NTRK2: variants seen among roughly 807,000 people sequenced by gnomAD.
NTRK2 encodes the protein BDNF/NT-3 growth factors receptor.
Under a neutral mutation model 94.5 loss-of-function variants are expected in NTRK2, and 13 were observed. That is an observed-to-expected ratio of 0.14 (90% confidence interval 0.09 to 0.22). The LOEUF (loss-of-function observed/expected upper bound fraction) is 0.22, where lower values mean the gene tolerates loss of function less well. Ranked by LOEUF, NTRK2 falls within the 10% of genes least tolerant of loss-of-function variation. The pLI is 1.00. For synonymous variants in NTRK2, 372 were observed against 407.4 expected (o/e 0.91, Z 1.05); for missense variants, 639 against 1,071.2 (o/e 0.60, Z 5.63).
At chr9:84,781,523 A>C (rs1456396347) in intron 12 of NTRK2, among the ~76,000 whole-genome samples, 1 of 152,144 alleles carries the variant, frequency 6.6e-6, no homozygotes, top group Non-Finnish European at 1.5e-5. Context: ...TGAAAATGTG[A>C]ATTTTGAGAT....
intron 9 of NTRK2, among the ~76,000 whole-genome samples, chr9:84,731,447 G>A (rs1035825917): frequency 2.1e-4 from 32 of 151,966 alleles, no homozygotes; most frequent in Admixed American, 3.3e-4. Context: ...AAAATAAAAC[G>A]TAAAAAATAA....
chr9:84,778,890 C>G (rs2067298437), intron 12 of NTRK2, among the ~76,000 whole-genome samples: 1 of 152,174 alleles, frequency 6.6e-6, no homozygotes, highest in African/African-American at 2.4e-5. Context: ...TCTCCCTCCT[C>G]AATGTTGAGG....
rs779160638 is a variant in NTRK2 at position 84,727,761 on chromosome 9, G to A, written c.961G>A (p.Gly321Arg). ...PKPALQWFYN[G>R]AILNESKYIC... ...ACCAGCGCTTCAGTGGTTCTATAAC[G>A]GGGCAATATTGAATGAGTCCAAATA... The change falls in exon 9 of 19, where the codon GGG becomes AGG. Residue 321 changes from glycine (G) to arginine (R), a missense_variant. Transcript: ENST00000277120. The A allele has an allele frequency of 2.5e-6, 4 of 1,614,014 alleles. No individual in the cohort carries two copies. Among genetic ancestry groups the A allele is most frequent in the African/African-American group, 1.3e-5 (1 of 74,888 alleles).
Position 84,707,848 on chromosome 9 carries a change from T to A in NTRK2, c.364T>A (p.Phe122Ile), listed in dbSNP as rs758634866. ...AATGTTTTTGATTCCTTTCAGCAATTTTACCCGAAACAAACTGACGAGTTT... is the reference window on the plus strand; with the variant it reads ...AATGTTTTTGATTCCTTTCAGCAATATTACCCGAAACAAACTGACGAGTTT... ...LKNSNLQHIN[F>I]TRNKLTSLSR... Residue 122 changes from phenylalanine (F) to isoleucine (I), a missense_variant, in exon 5 of 19, where the codon TTT becomes ATT. By Grantham distance (21) the Phe-to-Ile change is conservative. Transcript: ENST00000277120. 8.1e-6 allele frequency: 13 copies of A among 1,612,324 alleles called. No homozygotes were observed. The highest frequency in any genetic ancestry group is 1.7e-5 in the Admixed American group (1 of 59,994).
In NTRK2 at chr9:84,747,336, T is replaced by G. The variant is rs369297687; in HGVS notation, c.1296+2263T>G. Among the ~76,000 whole-genome samples the G allele has an allele frequency of 7.0e-4, 106 of 152,266 alleles. 1 individual carries two copies. In the South Asian group the frequency reaches 0.021, roughly 30 times the overall value. On this transcript the variant is annotated intron_variant, in intron 11 of 18. Coordinates refer to ENST00000277120, the MANE Select transcript of NTRK2 (RefSeq NM_006180.6). Reference sequence around the variant, plus strand: ...GGTATCTGCTTCCTGCCGTATGCAATCATTTTAGTTTTTAATTCTTATACC... The same window carrying G: ...GGTATCTGCTTCCTGCCGTATGCAAGCATTTTAGTTTTTAATTCTTATACC...
chr9:84,841,879 T>A (rs1191796092), intron 12 of NTRK2, among the ~76,000 whole-genome samples: 2 of 152,210 alleles, frequency 1.3e-5, no homozygotes, highest in East Asian at 3.8e-4. Context: ...AATAAATGAA[T>A]GAAAGAATGA....
intron 2 of NTRK2, among the ~76,000 whole-genome samples, chr9:84,674,239 G>C (rs1424671781): frequency 6.6e-6 from 1 of 152,140 alleles, no homozygotes; most frequent in Non-Finnish European, 1.5e-5. Flanking sequence ...AAGACTAATA[G>C]GGATCTTTTT....
In NTRK2 at chr9:84,888,611, C is replaced by CAAAAAAAAAA. The variant is rs71369158; in HGVS notation, c.1633+21209_1633+21218dup. On this transcript the variant is annotated intron_variant, in intron 14 of 18. Transcript: ENST00000277120. ...CTGGCGACAGAGCAACACTCCATCT[C>CAAAAAAAAAA]AAAAAAAAAAAAAAAAAAAAAAAAA... Among the ~76,000 whole-genome samples the CAAAAAAAAAA allele has an allele frequency of 3.3e-4, 11 of 33,846 alleles. 3 individuals carry two copies. Among genetic ancestry groups the CAAAAAAAAAA allele is most frequent in the African/African-American group, 1.0e-3 (7 of 6,838 alleles). The allele number at this position is 33,846 out of a possible 152,430, so 22.2% of individuals were successfully genotyped here.
intron 12 of NTRK2, among the ~76,000 whole-genome samples, chr9:84,755,120 A>C (rs1311307513): frequency 6.6e-6 from 1 of 152,172 alleles, no homozygotes; most frequent in Non-Finnish European, 1.5e-5. Context: ...TAAATTCCAA[A>C]CTAGTGAGTG....
At chr9:84,988,985 C>A (rs1828708568) in intron 17 of NTRK2, among the ~76,000 whole-genome samples, 1 of 152,202 alleles carries the variant, frequency 6.6e-6, no homozygotes, top group Non-Finnish European at 1.5e-5. Context: ...TGGATCTGCA[C>A]AAAATTATGC....
intron 14 of NTRK2, among the ~76,000 whole-genome samples, chr9:84,894,829 C>G (rs1264360841): frequency 6.6e-6 from 1 of 152,090 alleles, no homozygotes; most frequent in Non-Finnish European, 1.5e-5. Flanking sequence ...AATTCATAAG[C>G]CTTTTCCTCT....
In NTRK2 at chr9:84,710,717, A is replaced by T. The variant is rs371313025; in HGVS notation, c.509A>T (p.Asp170Val). The T allele has an allele frequency of 1.7e-5, 28 of 1,613,952 alleles. No homozygotes were observed. The highest frequency in any genetic ancestry group is 2.4e-5 in the Non-Finnish European group (28 of 1,179,926). Residue 170 changes from aspartate (D) to valine (V), a missense_variant, in exon 6 of 19, where the codon GAC (aspartate) becomes GTC (valine). Physicochemically the swap from Asp to Val is radical, Grantham distance 152 (BLOSUM62 -3). Around this residue, in one of 5 missense-constraint regions of NTRK2, gnomAD observed 206 missense variants for 251.5 expected, o/e 0.82. Coordinates refer to ENST00000277120, the MANE Select transcript of NTRK2 (RefSeq NM_006180.6). The stretch of plus-strand genomic sequence containing the variant: ...CTCCAAGAGGCTAAATCCAGTCCAG[A>T]CACTCAGGATTTGTACTGCCTGAAT... ...KTLQEAKSSP[D>V]TQDLYCLNES... is the part of the protein sequence containing the mutation.
chr9:84,821,601 A>T (rs1006938510), intron 12 of NTRK2, among the ~76,000 whole-genome samples: 9 of 152,340 alleles, frequency 5.9e-5, no homozygotes, highest in African/African-American at 1.9e-4. Context: ...GAGCTCCAAG[A>T]TGTAAGGATT....
At chr9:84,795,893 C>T (rs1241449152) in intron 12 of NTRK2, among the ~76,000 whole-genome samples, 1 of 152,220 alleles carries the variant, frequency 6.6e-6, no homozygotes, top group African/African-American at 2.4e-5. Context: ...TGGACCCTTG[C>T]ACCTTGCATA....
intron 14 of NTRK2, among the ~76,000 whole-genome samples, chr9:84,907,000 A>G (rs1178418549): frequency 2.6e-5 from 4 of 152,206 alleles, no homozygotes; most frequent in Admixed American, 2.0e-4. Flanking sequence ...AAAAGAATCT[A>G]CTATGCTGTT....
At chr9:84,824,052 G>T (rs778903163) in intron 12 of NTRK2, among the ~76,000 whole-genome samples, 1 of 152,202 alleles carries the variant, frequency 6.6e-6, no homozygotes, top group African/African-American at 2.4e-5. Flanking sequence ...TGTGGAGGTG[G>T]TTTCAGCCAT....
intron 14 of NTRK2, among the ~76,000 whole-genome samples, chr9:84,885,303 A>G (rs2076379234): frequency 6.6e-6 from 1 of 152,332 alleles, no homozygotes; most frequent in Non-Finnish European, 1.5e-5. Flanking sequence ...ACCAACCACT[A>G]AAAGAATCAA....
intron 17 of NTRK2, among the ~76,000 whole-genome samples, chr9:85,014,888 AG>A (rs2133554431): frequency 6.6e-6 from 1 of 152,334 alleles, no homozygotes; most frequent in Admixed American, 6.5e-5. Flanking sequence ...ATAAATATTA[AG>A]GGCTAAAAGA....
intron 12 of NTRK2, among the ~76,000 whole-genome samples, chr9:84,794,129 C>T (rs2069021155): frequency 6.6e-6 from 1 of 152,164 alleles, no homozygotes; most frequent in Admixed American, 6.5e-5. Flanking sequence ...TGCCAGGACG[C>T]TGAAAATGTC....
Sources: gnomAD v4.1 joint callset for allele counts (sites outside exome capture counted in the v4.1 genomes callset) on GRCh38, gnomAD v4.1.1 for gene constraint, gnomAD v4.1.1 regional missense constraint, MANE v1.5 for transcripts, NCBI Gene and HGNC (gene_info 2026-07-23, HGNC 2026-07-21) for gene names.